The following DRC11 variants were observed in gnomAD, a reference collection of about 807,000 sequenced individuals.
The protein encoded by DRC11 is dynein regulatory complex subunit 11.
chr2:236,503,678 C>T, the DRC11 span: 7 of 1,550,770 alleles, frequency 4.5e-6, no homozygotes, highest in Non-Finnish European at 6.1e-6. The surrounding 1 kb of genome is among the most constrained non-coding windows in gnomAD (Gnocchi z 4.9). Context: ...TCCACCAGAC[C>T]CTCTTCCCTC....
the DRC11 span, chr2:236,488,201 A>G: frequency 1.4e-5 from 22 of 1,561,222 alleles, no homozygotes; most frequent in African/African-American, 1.6e-4. Flanking sequence ...TCTGCAAAAA[A>G]CAGTCAAGAT....
chr2:236,441,175 T>C, the DRC11 span: 2 of 1,175,318 alleles, frequency 1.7e-6, no homozygotes, highest in East Asian at 5.1e-5. Context: ...CCTCTCTTGT[T>C]ATATACCCCA....
chr2:236,493,207 C>G, the DRC11 span, among the ~76,000 whole-genome samples: 1 of 152,168 alleles, frequency 6.6e-6, no homozygotes, highest in African/African-American at 2.4e-5. Context: ...GATTTATTCA[C>G]TATCACAAGA....
chr2:236,407,837 T>C, the DRC11 span: 1 of 320,670 alleles, frequency 3.1e-6, no homozygotes, highest in East Asian at 8.0e-5. Context: ...GCAAAATCTA[T>C]TCCTGGCATT....
the DRC11 span, among the ~76,000 whole-genome samples, chr2:236,443,778 A>T: frequency 6.6e-6 from 1 of 152,148 alleles, no homozygotes; most frequent in Non-Finnish European, 1.5e-5. This position sits in a 1 kb window ranked among gnomAD's most constrained non-coding sequence, Gnocchi z 4.4. Context: ...CTGCCTCTAG[A>T]TCTTTGAGGA....
the DRC11 span, among the ~76,000 whole-genome samples, chr2:236,449,206 T>C: frequency 2.0e-5 from 3 of 152,296 alleles, no homozygotes; most frequent in South Asian, 6.2e-4. The surrounding 1 kb of genome is among the most constrained non-coding windows in gnomAD (Gnocchi z 5.1). Context: ...ACTAGGAAAC[T>C]GGGACATAGA....
the DRC11 span, among the ~76,000 whole-genome samples, chr2:236,323,138 G>A: frequency 6.6e-6 from 1 of 152,230 alleles, no homozygotes; most frequent in African/African-American, 2.4e-5. This position sits in a 1 kb window ranked among gnomAD's most constrained non-coding sequence, Gnocchi z 6.4. Flanking sequence ...TCTTTGCAGT[G>A]CAGATGTCAT....
At chr2:236,335,168 G>A in the DRC11 span, among the ~76,000 whole-genome samples, 1 of 152,202 alleles carries the variant, frequency 6.6e-6, no homozygotes, top group Non-Finnish European at 1.5e-5. The surrounding 1 kb of genome is among the most constrained non-coding windows in gnomAD (Gnocchi z 5.6). Context: ...CTCCATTGCG[G>A]GTGGAGAGAC....
the DRC11 span, among the ~76,000 whole-genome samples, chr2:236,457,781 C>T: frequency 1.3e-5 from 2 of 152,160 alleles, no homozygotes; most frequent in African/African-American, 4.8e-5. The surrounding 1 kb of genome is among the most constrained non-coding windows in gnomAD (Gnocchi z 4.7). Flanking sequence ...ATGCTGGAAG[C>T]CCCCAGAAGC....
chr2:236,376,586 G>T, the DRC11 span, among the ~76,000 whole-genome samples: 1 of 152,182 alleles, frequency 6.6e-6, no homozygotes, highest in East Asian at 1.9e-4. The surrounding 1 kb of genome is among the most constrained non-coding windows in gnomAD (Gnocchi z 5.7). Flanking sequence ...CTTTAAGTGT[G>T]TTTTCAGGTC....
the DRC11 span, among the ~76,000 whole-genome samples, chr2:236,492,764 G>A: frequency 6.6e-6 from 1 of 152,134 alleles, no homozygotes; most frequent in Admixed American, 6.5e-5. Flanking sequence ...CTCCCCACCA[G>A]TAGGCTGCAT....
the DRC11 span, among the ~76,000 whole-genome samples, chr2:236,392,560 G>GA: frequency 1.3e-5 from 2 of 151,422 alleles, no homozygotes; most frequent in African/African-American, 2.4e-5. This position sits in a 1 kb window ranked among gnomAD's most constrained non-coding sequence, Gnocchi z 5.1. Context: ...ACTAAAAAAA[G>GA]AAAAAAAACT....
chr2:236,316,583 A>G, the DRC11 span, among the ~76,000 whole-genome samples: 33 of 152,366 alleles, frequency 2.2e-4, no homozygotes, highest in Middle Eastern at 3.4e-3. The surrounding 1 kb of genome is among the most constrained non-coding windows in gnomAD (Gnocchi z 6.8). Flanking sequence ...AAAGAAATAG[A>G]CAACCCAATG....
the DRC11 span, among the ~76,000 whole-genome samples, chr2:236,384,326 G>T: frequency 6.6e-6 from 1 of 152,058 alleles, no homozygotes; most frequent in Non-Finnish European, 1.5e-5. Flanking sequence ...TCCAGCACCT[G>T]TTGTTGCCTG....
the DRC11 span, among the ~76,000 whole-genome samples, chr2:236,352,826 C>T: frequency 6.6e-6 from 1 of 152,164 alleles, no homozygotes; most frequent in African/African-American, 2.4e-5. The surrounding 1 kb of genome is among the most constrained non-coding windows in gnomAD (Gnocchi z 7.0). Flanking sequence ...TAGATGGTTT[C>T]CATCTTTTAC....
At chr2:236,414,969 A>G in the DRC11 span, among the ~76,000 whole-genome samples, 2 of 152,230 alleles carry the variant, frequency 1.3e-5, no homozygotes, top group East Asian at 1.9e-4. Flanking sequence ...GTGAAATTCA[A>G]CCGAAACATT....
At chr2:236,500,638 T>A in the DRC11 span, among the ~76,000 whole-genome samples, 1 of 152,210 alleles carries the variant, frequency 6.6e-6, no homozygotes, top group African/African-American at 2.4e-5. This position sits in a 1 kb window ranked among gnomAD's most constrained non-coding sequence, Gnocchi z 6.3. Flanking sequence ...AAAATTAGGA[T>A]TCCACTTGGC....
chr2:236,459,595 G>GTATATACGTA, the DRC11 span, among the ~76,000 whole-genome samples: 49 of 108,694 alleles, frequency 4.5e-4, no homozygotes, highest in Admixed American at 1.3e-3. Context: ...ATACGTATAC[G>GTATATACGTA]TATACATATA....
At chr2:236,443,219 G>A in the DRC11 span, among the ~76,000 whole-genome samples, 21 of 152,296 alleles carry the variant, frequency 1.4e-4, no homozygotes, top group South Asian at 2.9e-3. This position sits in a 1 kb window ranked among gnomAD's most constrained non-coding sequence, Gnocchi z 4.4. Flanking sequence ...TGAGCAGGAT[G>A]TGCAGGTTTG....
Sources: allele counts gnomAD v4.1 joint callset (sites outside exome capture counted in the v4.1 genomes callset), GRCh38; gene constraint gnomAD v4.1.1; non-coding constraint Gnocchi (gnomAD v3.1); transcripts MANE v1.5; gene names NCBI Gene and HGNC (gene_info 2026-07-23, HGNC 2026-07-21).